The following THSD7A variants were observed in gnomAD, a reference collection of about 807,000 sequenced individuals.
THSD7A encodes the protein thrombospondin type-1 domain-containing protein 7A.
A neutral mutation model predicts 231.3 loss-of-function variants in THSD7A; 96 were observed. The observed-to-expected ratio is 0.41, with a 90% CI of 0.35 to 0.49. The LOEUF (loss-of-function observed/expected upper bound fraction) is 0.49, where lower values mean the gene tolerates loss of function less well. THSD7A is among the 20% of genes least tolerant of loss of function. The probability of loss-of-function intolerance (pLI) is 0.05; values close to 1 mark genes in which losing one functional copy is unlikely to be tolerated. For synonymous variants in THSD7A, 940 were observed against 743.3 expected, an observed-to-expected ratio of 1.26 and a Z score of -4.30; for missense variants, 2,290 against 2,070.2, an observed-to-expected ratio of 1.11 and a Z score of -2.06.
At chr7:11,822,840 C>T (rs1315178712) in intron 1 of THSD7A, among the ~76,000 whole-genome samples, 1 of 151,844 alleles carries the variant, frequency 6.6e-6, no homozygotes, top group Admixed American at 6.6e-5. Context: ...ATCTAGTATA[C>T]TCTAGATATT....
chr7:11,412,530 C>T, intron 18 of THSD7A, 126 bp downstream of exon 18: 2 of 1,098,244 alleles, frequency 1.8e-6, no homozygotes, highest in Non-Finnish European at 1.3e-6. Flanking sequence ...GTAATTATTT[C>T]TGGGAAAGTA....
intron 4 of THSD7A, among the ~76,000 whole-genome samples, chr7:11,583,785 G>C (rs1791274154): frequency 6.6e-6 from 1 of 152,080 alleles, no homozygotes; most frequent in African/African-American, 2.4e-5. Context: ...AGGCATTCTA[G>C]TAGTACCAGT....
chr7:11,763,814 G>A (rs1447687964), intron 1 of THSD7A, among the ~76,000 whole-genome samples: 1 of 151,888 alleles, frequency 6.6e-6, no homozygotes, highest in African/African-American at 2.4e-5. Flanking sequence ...CTTATTTATT[G>A]CTCATTTCCT....
chr7:11,649,898 T>A (rs1782425457), intron 1 of THSD7A, among the ~76,000 whole-genome samples: 1 of 152,054 alleles, frequency 6.6e-6, no homozygotes. Context: ...ATTCATATAG[T>A]GGACCAGGGT....
At chr7:11,389,007 A>T (rs1019348501) in intron 23 of THSD7A, among the ~76,000 whole-genome samples, 3 of 152,058 alleles carry the variant, frequency 2.0e-5, no homozygotes, top group Non-Finnish European at 2.9e-5. Flanking sequence ...TTTGCTGAGG[A>T]GTGTTTTACT....
chr7:11,734,765 A>G lies in THSD7A; in HGVS notation c.190+96992T>C, dbSNP rs574235846. 2.0e-4 allele frequency among the ~76,000 whole-genome samples: 30 copies of G among 152,078 alleles called. No homozygotes were observed. In the South Asian group the frequency reaches 6.0e-3, roughly 31 times the overall value. On this transcript the variant is annotated intron_variant, in intron 1 of 27. Coordinates refer to ENST00000423059, the MANE Select transcript of THSD7A (RefSeq NM_015204.3). The stretch of plus-strand genomic sequence containing the variant: ...CAGGGATTTCAACTTTTCATTTCAT[A>G]CAAGGCATAACACAGTGCTTCACCA...
intron 1 of THSD7A, chr7:11,820,294 A>C: frequency 5.7e-6 from 3 of 527,634 alleles, no homozygotes; most frequent in Non-Finnish European, 9.1e-6. Flanking sequence ...CCCCTGGGCA[A>C]GGAATTCCGT....
intron 23 of THSD7A, among the ~76,000 whole-genome samples, chr7:11,393,354 C>T (rs55725195): frequency 0.017 from 2,527 of 152,170 alleles, 30 homozygotes; most frequent in South Asian, 0.043. Context: ...TCAGAGACCC[C>T]GAACTGAAGG....
chr7:11,611,784 T>C (rs913778089), intron 2 of THSD7A, among the ~76,000 whole-genome samples: 1 of 123,486 alleles, frequency 8.1e-6, no homozygotes, highest in Non-Finnish European at 1.6e-5. Context: ...TAAAGTACCA[T>C]AAAACACACA....
At position 11,590,995 on chromosome 7, in the gene THSD7A, T is replaced by C. The variant is rs186046587; in HGVS notation, c.1272-354A>G. Among the ~76,000 whole-genome samples the C allele has an allele frequency of 6.6e-6, 1 of 152,302 alleles. No individual in the cohort carries two copies. The highest frequency in any genetic ancestry group is 6.5e-5 in the Admixed American group (1 of 15,304). Reference sequence around the variant, plus strand: ...CCTATAAACAAAGGTGGATTGAATATGAAAATGGGAAACATTCTGAGTGAT... The same window carrying C: ...CCTATAAACAAAGGTGGATTGAATACGAAAATGGGAAACATTCTGAGTGAT... On this transcript the variant is annotated intron_variant, in intron 3 of 27. Transcript: ENST00000423059. This position sits in a 1 kb window ranked among gnomAD's most constrained non-coding sequence, Gnocchi z 4.4.
chr7:11,575,567 A>C (rs1790860987), intron 4 of THSD7A, among the ~76,000 whole-genome samples: 1 of 152,224 alleles, frequency 6.6e-6, no homozygotes. Context: ...GCACCTAAGC[A>C]GTAAGCAGAA....
chr7:11,528,329 G>C (rs924164346), intron 6 of THSD7A, among the ~76,000 whole-genome samples: 2 of 152,050 alleles, frequency 1.3e-5, no homozygotes, highest in Non-Finnish European at 2.9e-5. Context: ...AATTATTTCT[G>C]TACAAGCTCT....
chr7:11,414,428 A>C (rs949159378), intron 17 of THSD7A, among the ~76,000 whole-genome samples: 1 of 152,188 alleles, frequency 6.6e-6, no homozygotes, highest in African/African-American at 2.4e-5. Context: ...AGCTTATTAA[A>C]TATGTATATT....
chr7:11,645,026 T>A (rs974196160), intron 1 of THSD7A, among the ~76,000 whole-genome samples: 2 of 151,928 alleles, frequency 1.3e-5, no homozygotes, highest in Non-Finnish European at 2.9e-5. Flanking sequence ...AATTTTAAGG[T>A]TTTAAAATAC....
At chr7:11,560,030 T>C (rs752774591) in intron 4 of THSD7A, among the ~76,000 whole-genome samples, 1 of 152,104 alleles carries the variant, frequency 6.6e-6, no homozygotes, top group Non-Finnish European at 1.5e-5. Context: ...AAACAACTCA[T>C]GTCCAATTAA....
chr7:11,475,917 A>C (rs1056901208), intron 7 of THSD7A, among the ~76,000 whole-genome samples: 1 of 149,676 alleles, frequency 6.7e-6, no homozygotes, highest in Non-Finnish European at 1.5e-5. Flanking sequence ...ATTGAACTTA[A>C]CAAAAATAAA....
chr7:11,490,697 C>A, intron 6 of THSD7A, among the ~76,000 whole-genome samples: 1 of 151,990 alleles, frequency 6.6e-6, no homozygotes, highest in East Asian at 1.9e-4. Context: ...TCATTCCTCT[C>A]AGTTGTTTTT....
chr7:11,552,903 C>T (rs903842033), intron 4 of THSD7A, among the ~76,000 whole-genome samples: 4 of 152,082 alleles, frequency 2.6e-5, no homozygotes, highest in Non-Finnish European at 5.9e-5. Context: ...ACACCGCCTC[C>T]TCAAACCTGA....
chr7:11,574,285 A>G (rs756884138), intron 4 of THSD7A, among the ~76,000 whole-genome samples: 1 of 152,034 alleles, frequency 6.6e-6, no homozygotes, highest in African/African-American at 2.4e-5. Context: ...TAAAGTGTAA[A>G]CTTTGTGACA....
Sources: allele counts gnomAD v4.1 joint callset (sites outside exome capture counted in the v4.1 genomes callset), GRCh38; gene constraint gnomAD v4.1.1; non-coding constraint Gnocchi (gnomAD v3.1); transcripts MANE v1.5; gene names NCBI Gene and HGNC (gene_info 2026-07-23, HGNC 2026-07-21).